Variants in DYNC1I2 observed in about 807,000 individuals in gnomAD.
DYNC1I2 encodes the protein dynein cytoplasmic 1 intermediate chain 2.
A neutral mutation model predicts 88.6 loss-of-function variants in DYNC1I2; 53 were observed. The ratio of observed to expected loss-of-function variants is 0.60; its 90% CI spans 0.48 to 0.75. The LOEUF (loss-of-function observed/expected upper bound fraction) is 0.75, where lower values mean the gene tolerates loss of function less well. DYNC1I2 is among the 30% of genes least tolerant of loss of function. DYNC1I2 has a pLI of 0.00. For missense variants in DYNC1I2, 458 were observed against 766.6 expected, an observed-to-expected ratio of 0.60 and a Z score of 4.75; for synonymous variants, 198 against 254.6, an observed-to-expected ratio of 0.78 and a Z score of 2.12.
intron 15 of DYNC1I2, among the ~76,000 whole-genome samples, chr2:171,738,238 A>G (rs1023853666): frequency 3.9e-5 from 6 of 152,094 alleles, no homozygotes; most frequent in African/African-American, 1.4e-4. Flanking sequence ...AGGCTGAGGC[A>G]GGAGAATTGC....
intron 3 of DYNC1I2, among the ~76,000 whole-genome samples, chr2:171,696,258 C>G (rs1685760334): frequency 6.6e-6 from 1 of 152,170 alleles, no homozygotes. Context: ...TATTCCTAAT[C>G]CAAAAATTCA....
chr2:171,726,317 C>T (rs750951727), intron 10 of DYNC1I2, 24 bp downstream of exon 10: 1 of 1,481,172 alleles, frequency 6.8e-7, no homozygotes, highest in East Asian at 2.3e-5. Flanking sequence ...AAATAGGCCG[C>T]TCTTAACTCA....
intron 3 of DYNC1I2, among the ~76,000 whole-genome samples, chr2:171,700,000 C>T (rs1248551562): frequency 6.6e-6 from 1 of 152,002 alleles, no homozygotes; most frequent in Non-Finnish European, 1.5e-5. Flanking sequence ...TTTATTATCT[C>T]TTATAGTTTC....
intron 7 of DYNC1I2, among the ~76,000 whole-genome samples, chr2:171,723,836 G>C (rs1035170812): frequency 3.9e-5 from 6 of 152,120 alleles, no homozygotes; most frequent in Non-Finnish European, 8.8e-5. Context: ...TCTTGAAATG[G>C]CCATTTTCAC....
intron 15 of DYNC1I2, among the ~76,000 whole-genome samples, chr2:171,736,242 C>G (rs1386482344): frequency 6.6e-6 from 1 of 152,228 alleles, no homozygotes; most frequent in Non-Finnish European, 1.5e-5. Context: ...GCCTCAGTAA[C>G]TTGCTACTGG....
intron 7 of DYNC1I2, among the ~76,000 whole-genome samples, chr2:171,717,608 A>G (rs1010010325): frequency 5.9e-5 from 9 of 152,210 alleles, no homozygotes; most frequent in African/African-American, 1.9e-4. Flanking sequence ...TGGAGCTTTC[A>G]GTATGAGAAT....
At chr2:171,728,151 T>C (rs1688370054) in intron 12 of DYNC1I2, among the ~76,000 whole-genome samples, 154 bp from the exon 13 acceptor site, 1 of 152,102 alleles carries the variant, frequency 6.6e-6, no homozygotes, top group Admixed American at 6.6e-5. Flanking sequence ...CTCATCTCTC[T>C]TCTGCGACAA....
At chr2:171,739,533 CCT>C (rs1464300021) in intron 15 of DYNC1I2, among the ~76,000 whole-genome samples, 1 of 151,864 alleles carries the variant, frequency 6.6e-6, no homozygotes, top group Non-Finnish European at 1.5e-5. Flanking sequence ...AAAAATAAAA[CCT>C]CTTTAAAAAA....
intron 3 of DYNC1I2, among the ~76,000 whole-genome samples, chr2:171,696,721 C>G (rs1685796760): frequency 6.6e-6 from 1 of 152,116 alleles, no homozygotes; most frequent in African/African-American, 2.4e-5. Context: ...CCAACTTTGT[C>G]ATACAGTAAA....
At chr2:171,699,922 T>C (rs538886164) in intron 3 of DYNC1I2, among the ~76,000 whole-genome samples, 1 of 152,280 alleles carries the variant, frequency 6.6e-6, no homozygotes, top group South Asian at 2.1e-4. Flanking sequence ...GTTTTTTTAA[T>C]GGTTATAGTC....
intron 1 of DYNC1I2, chr2:171,688,258 G>A (rs2105435283): frequency 6.6e-6 from 1 of 152,268 alleles, no homozygotes; most frequent in East Asian, 1.9e-4. Flanking sequence ...GTGATGGAAA[G>A]CCCCCGAACA....
At position 171,705,553 on chromosome 2, in the gene DYNC1I2, T is replaced by A. The variant is rs1042768760; in HGVS notation, c.227-994T>A. ...TCACTATAATTTAATAAACATTTAT[T>A]TGTGTTTACAGCACAGTAGGCAAAC... On this transcript the variant is annotated intron_variant, in intron 3 of 17. Coordinates refer to ENST00000397119, the MANE Select transcript of DYNC1I2 (RefSeq NM_001378.3). 2.0e-5 allele frequency among the ~76,000 whole-genome samples: 3 copies of A among 152,114 alleles called. No homozygotes were observed. In the South Asian group the frequency reaches 6.2e-4, roughly 31 times the overall value.
chr2:171,746,964 C>T (rs573299722), intron 17 of DYNC1I2, among the ~76,000 whole-genome samples: 16 of 151,836 alleles, frequency 1.1e-4, no homozygotes, highest in South Asian at 2.1e-4. Flanking sequence ...GAGGATGAGG[C>T]GGGTGGATCA....
chr2:171,692,675 A>T, intron 2 of DYNC1I2, 102 bp from the exon 3 acceptor site: 1 of 720,500 alleles, frequency 1.4e-6, no homozygotes, highest in South Asian at 2.1e-5. Flanking sequence ...AACTAAGTTC[A>T]TGCCTTAAAA....
At chr2:171,744,271 C>A in intron 16 of DYNC1I2, 82 bp downstream of exon 16, 1 of 1,402,792 alleles carries the variant, frequency 7.1e-7, no homozygotes, top group Non-Finnish European at 9.5e-7. Flanking sequence ...TCCTTTTTTT[C>A]CAAAGAATGT....
At chr2:171,740,092 G>A (rs1466626248) in intron 15 of DYNC1I2, among the ~76,000 whole-genome samples, 2 of 152,070 alleles carry the variant, frequency 1.3e-5, no homozygotes, top group African/African-American at 4.8e-5. Context: ...TCTTGAGGAA[G>A]AAACCAGGTT....
chr2:171,737,868 A>T (rs1392013928), intron 15 of DYNC1I2, among the ~76,000 whole-genome samples: 1 of 151,716 alleles, frequency 6.6e-6, no homozygotes, highest in Non-Finnish European at 1.5e-5. Context: ...AGGTAAAATC[A>T]TGTCACGGGG....
intron 15 of DYNC1I2, among the ~76,000 whole-genome samples, chr2:171,734,659 A>G (rs2105737405): frequency 6.6e-6 from 1 of 152,274 alleles, no homozygotes; most frequent in Non-Finnish European, 1.5e-5. Flanking sequence ...CAGAAGAATT[A>G]CCCTTCATTC....
chr2:171,693,009 T>G, intron 3 of DYNC1I2, 115 bp downstream of exon 3: 1 of 774,678 alleles, frequency 1.3e-6, no homozygotes, highest in South Asian at 1.6e-5. Flanking sequence ...GTCTCTAAAA[T>G]TATTAATCTT....
Sources: gnomAD v4.1 joint callset for allele counts (sites outside exome capture counted in the v4.1 genomes callset) on GRCh38, gnomAD v4.1.1 for gene constraint, MANE v1.5 for transcripts, NCBI Gene and HGNC (gene_info 2026-07-23, HGNC 2026-07-21) for gene names.